Variants in MASTL observed in about 807,000 individuals in gnomAD.
MASTL encodes the protein serine/threonine-protein kinase greatwall.
In MASTL, 54 loss-of-function variants were observed where a neutral mutation model predicts 82.5. The ratio of observed to expected loss-of-function variants is 0.65; its 90% CI spans 0.53 to 0.82. The LOEUF (loss-of-function observed/expected upper bound fraction) is 0.82. MASTL is among the 40% of genes least tolerant of loss of function. The pLI is 0.00. For missense variants in MASTL, 950 were observed against 1,047.8 expected (o/e 0.91, Z 1.29); for synonymous variants, 323 against 368.9 (o/e 0.88, Z 1.43).
chr10:27,161,564 T>G lies in MASTL; in HGVS notation c.553+382T>G, dbSNP rs149834806. 2.1e-3 allele frequency among the ~76,000 whole-genome samples: 326 copies of G among 151,888 alleles called. 2 individuals are homozygous for G. The highest frequency in any genetic ancestry group is 7.5e-3 in the African/African-American group (310 of 41,488). ...ATAAAAAATTAAAAAAAATGAAAAG[T>G]CTAACAAATTATAGAGACTACATTT... On this transcript the variant is annotated intron_variant, in intron 4 of 11. Coordinates refer to ENST00000375940, the MANE Select transcript of MASTL (RefSeq NM_001172303.3).
intron 8 of MASTL, among the ~76,000 whole-genome samples, chr10:27,171,386 TC>T (rs1485683364): frequency 5.3e-5 from 8 of 151,278 alleles, no homozygotes; most frequent in Non-Finnish European, 7.4e-5. Flanking sequence ...TTTCACTTGA[TC>T]CCCACAGTAC....
intron 7 of MASTL, 99 bp downstream of exon 7, chr10:27,167,373 T>C: frequency 9.5e-7 from 1 of 1,057,464 alleles, no homozygotes; most frequent in South Asian, 1.3e-5. Context: ...AGAAATGAAA[T>C]TGTTACATGA....
At chr10:27,178,411 A>AAAAT (rs2058170612) in intron 9 of MASTL, among the ~76,000 whole-genome samples, 1 of 150,642 alleles carries the variant, frequency 6.6e-6, no homozygotes, top group Non-Finnish European at 1.5e-5. Context: ...AAAAAAAAAA[A>AAAAT]TTGACAACTA....
At chr10:27,179,930 A>G (rs1262444061) in intron 9 of MASTL, among the ~76,000 whole-genome samples, 3 of 152,240 alleles carry the variant, frequency 2.0e-5, no homozygotes, top group Non-Finnish European at 4.4e-5. Flanking sequence ...TTTAAGATAC[A>G]TAACATATCC....
rs771508466 is a variant in MASTL, at chr10:27,165,541, T to G, written c.811+2T>G. ...ATTCTAGCAAATTACTAAAATCATGTGAGTATAAAAGAAAAGGTAGGCCAG... is the reference window on the plus strand; with the variant it reads ...ATTCTAGCAAATTACTAAAATCATGGGAGTATAAAAGAAAAGGTAGGCCAG... On this transcript the variant is annotated splice_donor_variant, in intron 6 of 11. Transcript: ENST00000375940. LOFTEE classifies it high-confidence loss of function. 9.9e-6 allele frequency: 16 copies of G among 1,613,868 alleles called. No homozygotes were observed. Among genetic ancestry groups the G allele is most frequent in the Non-Finnish European group, 1.4e-5 (16 of 1,179,960 alleles).
chr10:27,155,221 G>C (rs977216452), upstream of MASTL: 4 of 598,016 alleles, frequency 6.7e-6, no homozygotes, highest in Non-Finnish European at 8.9e-6. Flanking sequence ...CGCCGCCCAC[G>C]AAGAGTGTAA....
In MASTL at chr10:27,181,182, C is replaced by T. The variant is rs370880774; in HGVS notation, c.2380+116C>T. On this transcript the variant is annotated intron_variant, in intron 10 of 11. Coordinates refer to ENST00000375940, the MANE Select transcript of MASTL (RefSeq NM_001172303.3). ...GGTGGATCGCCTGAGGTCAGGAGTT[C>T]GAGACCAGCCTGGCCAACATGGTAA... 1.0e-3 allele frequency: 777 copies of T among 746,688 alleles called. 2 individuals carry two copies. In the African/African-American group the frequency reaches 0.012, roughly 11 times the overall value. The allele number at this position is 746,688 out of a possible 1,614,324, so 46.3% of individuals were successfully genotyped here.
At chr10:27,180,385 C>G (rs1453482132) in intron 9 of MASTL, among the ~76,000 whole-genome samples, 30 of 151,928 alleles carry the variant, frequency 2.0e-4, no homozygotes, top group Admixed American at 2.0e-3. Context: ...TTTTTCTTTT[C>G]TTTTCTTTTC....
intron 8 of MASTL, 141 bp from the exon 9 acceptor site, chr10:27,172,977 C>A: frequency 1.0e-6 from 1 of 964,106 alleles, no homozygotes; most frequent in Non-Finnish European, 1.6e-6. Flanking sequence ...CATTCATTTT[C>A]AAAACTTATC....
At chr10:27,176,178 A>G (rs565510010) in intron 9 of MASTL, among the ~76,000 whole-genome samples, 3 of 152,012 alleles carry the variant, frequency 2.0e-5, no homozygotes, top group African/African-American at 7.2e-5. Context: ...CATCACCTTC[A>G]TGGTGACACA....
chr10:27,156,079 A>G (rs1393314457), intron 1 of MASTL, among the ~76,000 whole-genome samples: 1 of 151,104 alleles, frequency 6.6e-6, no homozygotes, highest in Non-Finnish European at 1.5e-5. Flanking sequence ...ATCTCGACTC[A>G]CTGCAAGCTC....
At chr10:27,183,782 A>G (rs923120256) in intron 11 of MASTL, among the ~76,000 whole-genome samples, 5 of 151,892 alleles carry the variant, frequency 3.3e-5, no homozygotes, top group Non-Finnish European at 5.9e-5. Context: ...TAGTAGCACA[A>G]TCTCGGCTCA....
At chr10:27,155,187 G>A (rs886046955), upstream of MASTL, 20 of 565,724 alleles carry the variant, frequency 3.5e-5, no homozygotes, top group South Asian at 2.9e-4. Flanking sequence ...CCCTCATGAG[G>A]AATGATGTCA....
At chr10:27,160,650 C>T (rs958094514) in intron 3 of MASTL, among the ~76,000 whole-genome samples, 3 of 151,622 alleles carry the variant, frequency 2.0e-5, no homozygotes, top group Non-Finnish European at 4.4e-5. Context: ...ACTCGGGAGG[C>T]TGAGACAGGA....
At position 27,170,969 on chromosome 10, in the gene MASTL, A is replaced by G; in HGVS notation, c.2010A>G (p.Pro670=). 6.2e-7 allele frequency: 1 copy of G among 1,614,160 alleles called. No individual in the cohort carries two copies. The highest frequency in any genetic ancestry group is 8.5e-7 in the Non-Finnish European group (1 of 1,179,996). ...SHINASNNSE[P]SRMNMTSLDA... is the part of the protein sequence containing the mutation. ...TTAATGCATCCAATAACTCAGAACCATCCAGAATGAACATGACTTCTTTAG... is the reference window on the plus strand; with the variant it reads ...TTAATGCATCCAATAACTCAGAACCGTCCAGAATGAACATGACTTCTTTAG... The change falls in exon 8 of 12, where the codon CCA becomes CCG. Residue 670 remains proline, a synonymous_variant. Transcript: ENST00000375940.
At chr10:27,179,895 C>G (rs1281372879) in intron 9 of MASTL, among the ~76,000 whole-genome samples, 1 of 151,936 alleles carries the variant, frequency 6.6e-6, no homozygotes, top group Admixed American at 6.6e-5. Context: ...TAGTAGTCTG[C>G]CTATTTTAGA....
intron 1 of MASTL, among the ~76,000 whole-genome samples, chr10:27,156,869 C>T (rs973227227): frequency 3.1e-5 from 4 of 128,938 alleles, no homozygotes; most frequent in African/African-American, 6.1e-5. Flanking sequence ...TTCACAGTGA[C>T]GTGATCTCAG....
intron 9 of MASTL, among the ~76,000 whole-genome samples, chr10:27,174,810 A>C (rs2058053556): frequency 6.6e-6 from 1 of 152,124 alleles, no homozygotes; most frequent in Non-Finnish European, 1.5e-5. Context: ...TAACCTAATT[A>C]ATCATAGTTG....
chr10:27,177,729 C>T, intron 9 of MASTL: 1 of 353,770 alleles, frequency 2.8e-6, no homozygotes, highest in Non-Finnish European at 4.0e-6. Flanking sequence ...GTGCCCAGTT[C>T]AGTGAATGAT....
Sources: allele counts gnomAD v4.1 joint callset (sites outside exome capture counted in the v4.1 genomes callset), GRCh38; gene constraint gnomAD v4.1.1; transcripts MANE v1.5; gene names NCBI Gene and HGNC (gene_info 2026-07-23, HGNC 2026-07-21).